The following TRPC7 variants were observed in gnomAD, a reference collection of about 807,000 sequenced individuals.
TRPC7 encodes the protein short transient receptor potential channel 7.
In TRPC7, 42 loss-of-function variants were observed where a neutral mutation model predicts 90.1. That is an observed-to-expected ratio of 0.47 (90% CI 0.36 to 0.60). The LOEUF is 0.60. Among genes scored for constraint, TRPC7 ranks in the 20% least tolerant of loss-of-function variants. TRPC7 has a pLI of 0.00. For synonymous variants in TRPC7, 451 were observed against 436.3 expected, an observed-to-expected ratio of 1.03 and a Z score of -0.42; for missense variants, 955 against 1,112.3, an observed-to-expected ratio of 0.86 and a Z score of 2.01.
At chr5:136,363,336 C>A (rs1041288220) in intron 1 of TRPC7, among the ~76,000 whole-genome samples, 2 of 152,044 alleles carry the variant, frequency 1.3e-5, no homozygotes, top group African/African-American at 2.4e-5. Flanking sequence ...TTTATCATTG[C>A]CTTGTAAGTG....
chr5:136,310,482 G>A (rs1445478991), intron 3 of TRPC7, among the ~76,000 whole-genome samples: 1 of 152,156 alleles, frequency 6.6e-6, no homozygotes, highest in African/African-American at 2.4e-5. Context: ...TCTGAGCCAG[G>A]AATAACCCAG....
chr5:136,302,715 G>A (rs1378276430), intron 3 of TRPC7, among the ~76,000 whole-genome samples: 1 of 152,074 alleles, frequency 6.6e-6, no homozygotes, highest in Non-Finnish European at 1.5e-5. Context: ...GTTCCAAATA[G>A]CTGGAAAATG....
intron 5 of TRPC7, among the ~76,000 whole-genome samples, chr5:136,265,782 TTTA>T (rs1314779337): frequency 1.3e-5 from 2 of 152,134 alleles, no homozygotes; most frequent in African/African-American, 2.4e-5. Flanking sequence ...TAGATGTATA[TTTA>T]TTATCACAAT....
chr5:136,320,667 TG>T (rs1230775696), intron 2 of TRPC7, among the ~76,000 whole-genome samples: 1 of 152,200 alleles, frequency 6.6e-6, no homozygotes, highest in East Asian at 1.9e-4. Context: ...TTTTATTTAC[TG>T]GGGGTCTCCC....
rs752653714 is a variant in TRPC7, at chr5:136,247,521, G to A, written c.1794C>T (p.Phe598=). The A allele has an allele frequency of 3.1e-6, 5 of 1,613,936 alleles. No homozygotes were observed. Among genetic ancestry groups the A allele is most frequent in the Non-Finnish European group, 4.2e-6 (5 of 1,179,866 alleles). ...CACCTCGGTAGTAAGAGTACAGGTT[G>A]AACATCCCAATCATGAAGGCCACAA... ...MVFVAFMIGM[F]NLYSYYRGAK... Residue 598 remains phenylalanine, a synonymous_variant, in exon 7 of 12, where the codon TTC becomes TTT. Transcript: ENST00000513104. The surrounding 1 kb of genome is among the most constrained non-coding windows in gnomAD (Gnocchi z 4.2).
At position 136,213,367 on chromosome 5, in the gene TRPC7, G is replaced by C; in HGVS notation, c.*68C>G. The C allele has an allele frequency of 6.5e-7, 1 of 1,545,060 alleles. No individual in the cohort carries two copies. On this transcript the variant is annotated 3_prime_UTR_variant, in exon 12 of 12. Coordinates refer to ENST00000513104, the MANE Select transcript of TRPC7 (RefSeq NM_020389.3). ...GGGCTGGGGACCCCTCCCCACCAAGGATGGGGGCGAGGGCATCCAACCTGG... is the reference window on the plus strand; with the variant it reads ...GGGCTGGGGACCCCTCCCCACCAAGCATGGGGGCGAGGGCATCCAACCTGG...
At chr5:136,307,595 A>G (rs1758682069) in intron 3 of TRPC7, among the ~76,000 whole-genome samples, 1 of 152,242 alleles carries the variant, frequency 6.6e-6, no homozygotes, top group Non-Finnish European at 1.5e-5. Flanking sequence ...GAGGTTCTCA[A>G]CAGGGAATTA....
At chr5:136,295,459 A>G (rs1758136052) in intron 3 of TRPC7, among the ~76,000 whole-genome samples, 1 of 152,080 alleles carries the variant, frequency 6.6e-6, no homozygotes, top group African/African-American at 2.4e-5. Context: ...GTCCTTCCCT[A>G]TCTTGGGAAT....
intron 5 of TRPC7, among the ~76,000 whole-genome samples, chr5:136,258,479 A>G (rs1194404082): frequency 2.0e-5 from 3 of 151,990 alleles, no homozygotes; most frequent in Non-Finnish European, 4.4e-5. Context: ...ATGCGCCCCC[A>G]CCCTGCTCCC....
At chr5:136,238,285 T>C (rs1196827008) in intron 7 of TRPC7, among the ~76,000 whole-genome samples, 6 of 152,184 alleles carry the variant, frequency 3.9e-5, no homozygotes, top group African/African-American at 1.4e-4. Context: ...TTTTGCCTCT[T>C]TTCCCTCTGA....
intron 5 of TRPC7, among the ~76,000 whole-genome samples, chr5:136,258,484 G>A (rs1580871326): frequency 6.6e-6 from 1 of 151,942 alleles, no homozygotes; most frequent in Non-Finnish European, 1.5e-5. Context: ...CCCCCACCCT[G>A]CTCCCTACAC....
At chr5:136,293,207 G>A (rs924737434) in intron 3 of TRPC7, among the ~76,000 whole-genome samples, 4 of 152,146 alleles carry the variant, frequency 2.6e-5, no homozygotes, top group Non-Finnish European at 5.9e-5. Context: ...AAAACTGGAA[G>A]CATTCCCTTT....
At chr5:136,320,158 C>CA (rs57669749) in intron 2 of TRPC7, among the ~76,000 whole-genome samples, 29,487 of 142,678 alleles carry the variant, frequency 0.21, 4,044 homozygotes, top group African/African-American at 0.39. Flanking sequence ...TTGTCCTAGA[C>CA]AAAAAAAAAA....
chr5:136,318,362 T>G (rs1379259370), intron 2 of TRPC7, among the ~76,000 whole-genome samples: 1 of 152,172 alleles, frequency 6.6e-6, no homozygotes, highest in Non-Finnish European at 1.5e-5. Flanking sequence ...ATTATCTCAT[T>G]CAGTCCTTAT....
intron 3 of TRPC7, among the ~76,000 whole-genome samples, chr5:136,292,210 C>A (rs967705397): frequency 1.3e-5 from 2 of 152,076 alleles, no homozygotes; most frequent in Admixed American, 6.5e-5. Flanking sequence ...AAAATTGACA[C>A]CCTAACATCA....
chr5:136,267,654 T>G (rs1335268685), intron 4 of TRPC7, among the ~76,000 whole-genome samples: 1 of 152,230 alleles, frequency 6.6e-6, no homozygotes, highest in Non-Finnish European at 1.5e-5. Context: ...CTTCAGTATG[T>G]TAATCATCCA....
At position 136,218,713 on chromosome 5, in the gene TRPC7, T is replaced by G. The variant is rs986822750; in HGVS notation, c.2344-2438A>C. On this transcript the variant is annotated intron_variant, in intron 10 of 11. Coordinates refer to ENST00000513104, the MANE Select transcript of TRPC7 (RefSeq NM_020389.3). ...TATTTGGCTGGGATAGGTGAGATCC[T>G]GCTCACAGTCTCCTTCAATGCAGAG... 2.3e-4 allele frequency among the ~76,000 whole-genome samples: 35 copies of G among 152,326 alleles called. 1 individual carries two copies. The highest frequency in any genetic ancestry group is 8.4e-4 in the African/African-American group (35 of 41,588).
At chr5:136,299,565 C>T (rs1465042735) in intron 3 of TRPC7, among the ~76,000 whole-genome samples, 1 of 151,954 alleles carries the variant, frequency 6.6e-6, no homozygotes, top group South Asian at 2.1e-4. Flanking sequence ...TTGCAAGTGA[C>T]CTTAGGCAGA....
chr5:136,231,592 T>C (rs1755818974), intron 7 of TRPC7, 43 bp from the exon 8 acceptor site: 2 of 1,513,000 alleles, frequency 1.3e-6, no homozygotes, highest in Non-Finnish European at 1.8e-6. Context: ...TTGCATCAGC[T>C]TGAACTTTTA....
Sources: allele counts gnomAD v4.1 joint callset (sites outside exome capture counted in the v4.1 genomes callset), GRCh38; gene constraint gnomAD v4.1.1; non-coding constraint Gnocchi (gnomAD v3.1); transcripts MANE v1.5; gene names NCBI Gene and HGNC (gene_info 2026-07-23, HGNC 2026-07-21).